SLC4A4: variants seen among roughly 807,000 people sequenced by gnomAD.
SLC4A4 encodes electrogenic sodium bicarbonate cotransporter 1.
SLC4A4 carries 27 observed loss-of-function variants against 111.5 expected under a neutral mutation model. The ratio of observed to expected loss-of-function variants is 0.24; its 90% CI spans 0.18 to 0.33. SLC4A4 has a LOEUF of 0.33. SLC4A4 is among the 10% of genes least tolerant of loss of function. SLC4A4 has a pLI of 1.00. For missense variants in SLC4A4, 909 were observed against 1,315.5 expected (o/e 0.69, Z 4.78); for synonymous variants, 443 against 463.4 (o/e 0.96, Z 0.57).
intron 2 of SLC4A4, among the ~76,000 whole-genome samples, chr4:71,154,567 G>T (rs1744408457): frequency 6.6e-6 from 1 of 152,134 alleles, no homozygotes; most frequent in Non-Finnish European, 1.5e-5. Context: ...GGGTAAGTTA[G>T]TTAACAACCG....
chr4:71,076,070 T>C (rs547441400), intron 1 of SLC4A4, among the ~76,000 whole-genome samples: 1 of 152,316 alleles, frequency 6.6e-6, no homozygotes, highest in South Asian at 2.1e-4. Flanking sequence ...TGTTTGCTTA[T>C]TGTTTTTATC....
At chr4:71,318,328 A>C (rs1046226663) in intron 3 of SLC4A4, among the ~76,000 whole-genome samples, 6 of 152,052 alleles carry the variant, frequency 3.9e-5, no homozygotes, top group African/African-American at 1.4e-4. Flanking sequence ...CTTAGTTCAG[A>C]ACATGCTAAT....
At chr4:71,152,093 A>G (rs1040180880) in intron 2 of SLC4A4, among the ~76,000 whole-genome samples, 1 of 152,120 alleles carries the variant, frequency 6.6e-6, no homozygotes, top group Non-Finnish European at 1.5e-5. Context: ...ATGTGTATCT[A>G]TAAATAATTT....
At chr4:71,249,651 G>A (rs1720919942) in intron 2 of SLC4A4, among the ~76,000 whole-genome samples, 1 of 152,118 alleles carries the variant, frequency 6.6e-6, no homozygotes, top group African/African-American at 2.4e-5. Flanking sequence ...CACTTTGGGA[G>A]GCCGAAGTGA....
intron 1 of SLC4A4, among the ~76,000 whole-genome samples, chr4:71,198,631 AC>A (rs1746115224): frequency 6.6e-6 from 1 of 152,106 alleles, no homozygotes; most frequent in African/African-American, 2.4e-5. Context: ...ATGAACACTT[AC>A]CCCAAATCCA....
At chr4:71,149,887 C>A (rs1744269735) in intron 2 of SLC4A4, among the ~76,000 whole-genome samples, 1 of 152,120 alleles carries the variant, frequency 6.6e-6, no homozygotes, top group African/African-American at 2.4e-5. Context: ...CCCCTAAATC[C>A]AATTAGCCAT....
intron 1 of SLC4A4, among the ~76,000 whole-genome samples, chr4:71,066,779 G>T (rs1208074549): frequency 6.6e-6 from 1 of 152,166 alleles, no homozygotes; most frequent in Admixed American, 6.5e-5. Context: ...GGGGCAGCCT[G>T]GTGCTCTTGG....
chr4:71,350,133 A>C (rs1344774991), intron 5 of SLC4A4, 61 bp downstream of exon 5: 3 of 1,521,212 alleles, frequency 2.0e-6, no homozygotes, highest in African/African-American at 1.4e-5. Context: ...ACATGTCTCC[A>C]TCAAGGCAGA....
At chr4:71,153,774 G>C (rs915983389) in intron 2 of SLC4A4, among the ~76,000 whole-genome samples, 1 of 152,156 alleles carries the variant, frequency 6.6e-6, no homozygotes, top group African/African-American at 2.4e-5. Context: ...TTAGTAGCCA[G>C]TAAAGAGACA....
At chr4:71,166,370 C>G (rs1168601332) in intron 2 of SLC4A4, among the ~76,000 whole-genome samples, 1 of 152,142 alleles carries the variant, frequency 6.6e-6, no homozygotes, top group Admixed American at 6.5e-5. Context: ...TCAAGGTATT[C>G]TTTTGAAAGA....
chr4:71,552,979 C>T (rs1182054675), intron 20 of SLC4A4, among the ~76,000 whole-genome samples: 2 of 151,806 alleles, frequency 1.3e-5, no homozygotes, highest in Admixed American at 6.6e-5. Flanking sequence ...TAAGGATTGA[C>T]CTCCTGTGAC....
intron 14 of SLC4A4, among the ~76,000 whole-genome samples, chr4:71,483,020 C>G (rs189453234): frequency 3.3e-5 from 5 of 151,648 alleles, no homozygotes; most frequent in Non-Finnish European, 7.4e-5. Context: ...TGAAGAAATA[C>G]AGTGTAAGAA....
intron 1 of SLC4A4, among the ~76,000 whole-genome samples, chr4:71,089,410 C>G (rs4694370): frequency 0.56 from 82,081 of 147,190 alleles, 23,247 homozygotes; most frequent in East Asian, 0.72. Context: ...CAAAGTCATT[C>G]TCTGTCCAGC....
chr4:71,390,845 C>G (rs906201018), intron 6 of SLC4A4, among the ~76,000 whole-genome samples: 3 of 152,098 alleles, frequency 2.0e-5, no homozygotes, highest in Non-Finnish European at 4.4e-5. Flanking sequence ...GGTTTTACCA[C>G]TTGCTATGTG....
chr4:71,210,825 G>T (rs1272515821), intron 1 of SLC4A4, among the ~76,000 whole-genome samples: 1 of 152,118 alleles, frequency 6.6e-6, no homozygotes, highest in African/African-American at 2.4e-5. Context: ...CATTTTTTAT[G>T]TCATCAGTCT....
intron 3 of SLC4A4, among the ~76,000 whole-genome samples, chr4:71,308,713 G>A (rs182427364): frequency 1.3e-5 from 2 of 152,182 alleles, no homozygotes; most frequent in African/African-American, 2.4e-5. Flanking sequence ...TTTGCAATCC[G>A]CAGACCAGGA....
intron 2 of SLC4A4, among the ~76,000 whole-genome samples, chr4:71,158,504 C>T (rs1297036870): frequency 6.6e-6 from 1 of 152,122 alleles, no homozygotes; most frequent in Admixed American, 6.6e-5. Context: ...TTAAATACCC[C>T]CCAAATTCAA....
At chr4:71,143,793 G>C (rs1370954474) in intron 2 of SLC4A4, among the ~76,000 whole-genome samples, 1 of 152,132 alleles carries the variant, frequency 6.6e-6, no homozygotes, top group African/African-American at 2.4e-5. Context: ...TGATGGTGTT[G>C]TTTGTTTTTT....
At chr4:71,235,981 A>G in intron 1 of SLC4A4, 2 of 945,426 alleles carry the variant, frequency 2.1e-6, no homozygotes, top group Non-Finnish European at 2.5e-6. Flanking sequence ...TAAGGCCAGC[A>G]TGTGACTCAA....
Sources: allele counts gnomAD v4.1 joint callset (sites outside exome capture counted in the v4.1 genomes callset), GRCh38; gene constraint gnomAD v4.1.1; transcripts MANE v1.5; gene names NCBI Gene and HGNC (gene_info 2026-07-23, HGNC 2026-07-21).